ARHGAP25: variants seen among roughly 807,000 people sequenced by gnomAD.
ARHGAP25 encodes the protein Rho GTPase activating protein 25.
A neutral mutation model predicts 71.0 loss-of-function variants in ARHGAP25; 34 were observed. The observed-to-expected ratio is 0.48, with a 90% confidence interval of 0.36 to 0.64. The LOEUF (loss-of-function observed/expected upper bound fraction) is 0.64. ARHGAP25 is among the 30% of genes least tolerant of loss of function. The pLI is 0.00. For missense variants in ARHGAP25, 706 were observed against 805.1 expected (o/e 0.88, Z 1.49); for synonymous variants, 282 against 296.5 (o/e 0.95, Z 0.50).
chr2:68,793,146 T>C (rs569365262), intron 4 of ARHGAP25, among the ~76,000 whole-genome samples: 1 of 152,172 alleles, frequency 6.6e-6, no homozygotes, highest in Non-Finnish European at 1.5e-5. Context: ...TGTTGAGTTA[T>C]TTGAGCTCCT....
intron 2 of ARHGAP25, among the ~76,000 whole-genome samples, chr2:68,725,008 A>G (rs1247252263): frequency 6.6e-6 from 1 of 152,100 alleles, no homozygotes; most frequent in Non-Finnish European, 1.5e-5. Flanking sequence ...CCATGACTGA[A>G]TGGGTGGCAG....
chr2:68,752,898 G>T (rs766986160), intron 1 of ARHGAP25, among the ~76,000 whole-genome samples: 1 of 152,120 alleles, frequency 6.6e-6, no homozygotes, highest in African/African-American at 2.4e-5. Context: ...AAGAGAGAGA[G>T]ATATCAGGGA....
At chr2:68,733,216 A>T (rs532519897), upstream of ARHGAP25, among the ~76,000 whole-genome samples, 2 of 152,172 alleles carry the variant, frequency 1.3e-5, no homozygotes, top group Non-Finnish European at 2.9e-5. Flanking sequence ...GAGGGCTCAG[A>T]GTTGGAGAGA....
intron 1 of ARHGAP25, among the ~76,000 whole-genome samples, chr2:68,735,903 C>T (rs781462712): frequency 2.6e-5 from 4 of 152,096 alleles, no homozygotes; most frequent in Admixed American, 6.5e-5. Flanking sequence ...GCCTTTAATC[C>T]ATACCCTGTC....
chr2:68,753,798 C>T (rs928748866), intron 1 of ARHGAP25, among the ~76,000 whole-genome samples: 1 of 152,022 alleles, frequency 6.6e-6, no homozygotes, highest in Non-Finnish European at 1.5e-5. Flanking sequence ...TCTGTGGAAA[C>T]ATTTGAAGGT....
upstream of ARHGAP25, among the ~76,000 whole-genome samples, chr2:68,732,772 G>A (rs1675054952): frequency 6.6e-6 from 1 of 152,184 alleles, no homozygotes; most frequent in Non-Finnish European, 1.5e-5. Context: ...GAGCAGACAG[G>A]GTGTGCGCAG....
intron 4 of ARHGAP25, among the ~76,000 whole-genome samples, chr2:68,788,985 T>G (rs548094487): frequency 2.4e-4 from 37 of 152,194 alleles, no homozygotes; most frequent in Non-Finnish European, 5.0e-4. Context: ...ATCTACACAC[T>G]TTTTTCAGAA....
intron 2 of ARHGAP25, among the ~76,000 whole-genome samples, chr2:68,722,266 A>G (rs549539458): frequency 6.6e-6 from 1 of 152,242 alleles, no homozygotes; most frequent in Non-Finnish European, 1.5e-5. Flanking sequence ...AACACTGGAA[A>G]TTATTTTCTT....
At chr2:68,730,060 A>C (rs1343182242), upstream of ARHGAP25, among the ~76,000 whole-genome samples, 1 of 152,244 alleles carries the variant, frequency 6.6e-6, no homozygotes. Context: ...GTTTTGGAAA[A>C]ATGCTTAATG....
At chr2:68,755,511 A>G (rs1333133057) in intron 1 of ARHGAP25, among the ~76,000 whole-genome samples, 1 of 152,244 alleles carries the variant, frequency 6.6e-6, no homozygotes, top group Non-Finnish European at 1.5e-5. Flanking sequence ...CCGCCCGCCA[A>G]TCCATCAATC....
At chr2:68,736,110 G>A (rs1303146770) in intron 1 of ARHGAP25, among the ~76,000 whole-genome samples, 1 of 152,156 alleles carries the variant, frequency 6.6e-6, no homozygotes, top group Non-Finnish European at 1.5e-5. Flanking sequence ...TAAGTATTAA[G>A]GTGTTTCTAA....
chr2:68,793,307 G>A lies in ARHGAP25; in HGVS notation c.466+5351G>A, dbSNP rs778736327. Reference sequence around the variant, plus strand: ...CCTATTTGTTTATTTTTATTTTTGCGGCCTGTGCTTTTGAGGCCTTAGTCA... The same window carrying A: ...CCTATTTGTTTATTTTTATTTTTGCAGCCTGTGCTTTTGAGGCCTTAGTCA... On this transcript the variant is annotated intron_variant, in intron 4 of 10. Transcript: ENST00000409202. 7.2e-5 allele frequency among the ~76,000 whole-genome samples: 11 copies of A among 151,874 alleles called. No individual in the cohort carries two copies. In the South Asian group the frequency reaches 1.3e-3, roughly 17 times the overall value.
intron 1 of ARHGAP25, among the ~76,000 whole-genome samples, chr2:68,753,077 A>AT (rs1553396521): frequency 0.025 from 3,423 of 135,388 alleles, 85 homozygotes; most frequent in South Asian, 0.06. Flanking sequence ...CTTGGGGTGG[A>AT]TGGGGGGGGT....
At chr2:68,818,734 A>G (rs946151859) in intron 8 of ARHGAP25, among the ~76,000 whole-genome samples, 23 of 152,376 alleles carry the variant, frequency 1.5e-4, no homozygotes, top group African/African-American at 5.3e-4. Context: ...TGCCATGGGC[A>G]TGGGGGCAGA....
At chr2:68,738,606 T>C (rs1675341132) in intron 1 of ARHGAP25, among the ~76,000 whole-genome samples, 1 of 151,984 alleles carries the variant, frequency 6.6e-6, no homozygotes, top group South Asian at 2.1e-4. Context: ...CCCTGATAGA[T>C]AAAGGTCCCC....
At chr2:68,786,934 C>A (rs1678797489) in intron 3 of ARHGAP25, among the ~76,000 whole-genome samples, 1 of 152,170 alleles carries the variant, frequency 6.6e-6, no homozygotes, top group Non-Finnish European at 1.5e-5. Flanking sequence ...CCCGCTAAGA[C>A]CTTTTTATTT....
chr2:68,754,250 C>G (rs1001773045), intron 1 of ARHGAP25, among the ~76,000 whole-genome samples: 18 of 152,270 alleles, frequency 1.2e-4, no homozygotes, highest in Non-Finnish European at 2.4e-4. Flanking sequence ...TATTTCTAGT[C>G]AGCCCCTCTC....
chr2:68,762,996 T>C (rs1226075370), intron 1 of ARHGAP25, among the ~76,000 whole-genome samples: 1 of 152,234 alleles, frequency 6.6e-6, no homozygotes, highest in Non-Finnish European at 1.5e-5. Flanking sequence ...ACAGGGAAAA[T>C]ACTGCATTCT....
At chr2:68,718,888 A>C (rs926560869) in intron 2 of ARHGAP25, among the ~76,000 whole-genome samples, 7 of 152,218 alleles carry the variant, frequency 4.6e-5, no homozygotes, top group African/African-American at 7.2e-5. Flanking sequence ...TTAGAAGCTT[A>C]GCACTTTTAA....
Sources: allele counts gnomAD v4.1 joint callset (sites outside exome capture counted in the v4.1 genomes callset), GRCh38; gene constraint gnomAD v4.1.1; transcripts MANE v1.5; gene names NCBI Gene and HGNC (gene_info 2026-07-23, HGNC 2026-07-21).